The following MAP3K20 variants were observed in gnomAD, a reference collection of about 807,000 sequenced individuals.
MAP3K20 encodes the protein HCCS-4.
Under a neutral mutation model 85.7 loss-of-function variants are expected in MAP3K20, and 40 were observed. The ratio of observed to expected loss-of-function variants is 0.47; its 90% CI spans 0.36 to 0.61. The LOEUF (loss-of-function observed/expected upper bound fraction) is 0.61. Ranked by LOEUF, MAP3K20 falls within the 20% of genes least tolerant of loss-of-function variation. The pLI, the probability that MAP3K20 is intolerant of heterozygous loss-of-function variation, is 0.00. For missense variants in MAP3K20, 817 were observed against 961.7 expected (o/e 0.85, Z 1.99); for synonymous variants, 325 against 327.7 (o/e 0.99, Z 0.09).
chr2:173,266,036 C>A lies in MAP3K20; in HGVS notation c.1703-14C>A, dbSNP rs1321984731. ...GTGTGGCTTAAAAGATGCTCATTTCCATTTCTCCCGCAGGTGCTGATTGCC... is the reference window on the plus strand; with the variant it reads ...GTGTGGCTTAAAAGATGCTCATTTCAATTTCTCCCGCAGGTGCTGATTGCC... On this transcript the variant is annotated splice_polypyrimidine_tract_variant and intron_variant, in intron 19 of 19. Coordinates refer to ENST00000375213, the MANE Select transcript of MAP3K20 (RefSeq NM_016653.3). The A allele has an allele frequency of 6.5e-7, 1 of 1,548,342 alleles. No homozygotes were observed. The highest frequency in any genetic ancestry group is 1.2e-5 in the South Asian group (1 of 84,298).
rs1239814673 is a variant in MAP3K20 at position 173,268,008 on chromosome 2, T to C, written c.*1258T>C. ...TCAAATCAATAAATGTTACTTTCAATATTCTGAGATTCTGTTCAGCATTCA... is the reference window on the plus strand; with the variant it reads ...TCAAATCAATAAATGTTACTTTCAACATTCTGAGATTCTGTTCAGCATTCA... On this transcript the variant is annotated 3_prime_UTR_variant, in exon 20 of 20. Coordinates refer to ENST00000375213, the MANE Select transcript of MAP3K20 (RefSeq NM_016653.3). 1 of 152,252 alleles carries C rather than the reference T, an allele frequency of 6.6e-6. No individual in the cohort carries two copies. Among genetic ancestry groups the C allele is most frequent in the Non-Finnish European group, 1.5e-5 (1 of 68,044 alleles). 9.4% of individuals were successfully genotyped at this position (152,252 alleles called of 1,614,324 possible).
At chr2:173,217,422 T>C (rs1684111725) in intron 11 of MAP3K20, among the ~76,000 whole-genome samples, 172 bp downstream of exon 11, 1 of 152,214 alleles carries the variant, frequency 6.6e-6, no homozygotes, top group Non-Finnish European at 1.5e-5. Context: ...CATACCTAAT[T>C]TCAATTAATA....
intron 2 of MAP3K20, among the ~76,000 whole-genome samples, chr2:173,107,929 G>A (rs180819431): frequency 2.1e-4 from 32 of 152,234 alleles, no homozygotes; most frequent in African/African-American, 7.2e-4. Context: ...CCTGTGGCTT[G>A]TTAGCACTAT....
At chr2:173,199,898 A>C (rs1490708988) in intron 8 of MAP3K20, among the ~76,000 whole-genome samples, 1 of 152,186 alleles carries the variant, frequency 6.6e-6, no homozygotes, top group Non-Finnish European at 1.5e-5. Flanking sequence ...GGAATCACCC[A>C]TGAATAACCT....
chr2:173,107,721 A>G (rs1359837860), intron 2 of MAP3K20, among the ~76,000 whole-genome samples: 1 of 152,164 alleles, frequency 6.6e-6, no homozygotes, highest in Non-Finnish European at 1.5e-5. Flanking sequence ...TGACTGCACC[A>G]AGCCTTAGTT....
rs1004481564 is a variant in MAP3K20, at chr2:173,209,987, C to T, written c.851+152C>T. On this transcript the variant is annotated intron_variant, in intron 10 of 19. Transcript: ENST00000375213. ...AGGTTTTTTTTATGATTTTGGAACT[C>T]TTATAAGTCCTGCATTTCATAAGCA... 3 of 661,896 alleles carry T rather than the reference C, an allele frequency of 4.5e-6. No homozygotes were observed. The African/African-American group carries it at 5.5e-5, about 12-fold the overall frequency. 41.0% of individuals were successfully genotyped at this position (661,896 alleles called of 1,614,324 possible). A position where few individuals can be genotyped will look rare whatever the true frequency, so the allele number is the denominator to read the frequency against.
chr2:173,185,995 G>A (rs1690473230), intron 4 of MAP3K20, among the ~76,000 whole-genome samples: 1 of 152,150 alleles, frequency 6.6e-6, no homozygotes, highest in Non-Finnish European at 1.5e-5. Flanking sequence ...CAGAATTATA[G>A]ATGGATCTAC....
intron 2 of MAP3K20, among the ~76,000 whole-genome samples, chr2:173,111,118 G>C (rs1687962749): frequency 6.6e-6 from 1 of 152,024 alleles, no homozygotes; most frequent in Admixed American, 6.6e-5. Context: ...TTTGATTATG[G>C]CCATTCTTGC....
At chr2:173,187,840 T>A (rs1690534749) in intron 5 of MAP3K20, among the ~76,000 whole-genome samples, 1 of 152,194 alleles carries the variant, frequency 6.6e-6, no homozygotes, top group Non-Finnish European at 1.5e-5. Context: ...GCCCAGAATG[T>A]GGACATTTGA....
chr2:173,075,776 CGT>C (rs1686828751), upstream of MAP3K20: 1 of 985,158 alleles, frequency 1.0e-6, no homozygotes, highest in African/African-American at 1.7e-5. Flanking sequence ...CTCGCCCGCG[CGT>C]GTGAGGGGAG....
chr2:173,155,497 G>A (rs1362581295), intron 2 of MAP3K20, among the ~76,000 whole-genome samples: 2 of 152,168 alleles, frequency 1.3e-5, no homozygotes, highest in African/African-American at 4.8e-5. Context: ...TATTTGTTGG[G>A]TGAATGTTGA....
chr2:173,181,813 T>C (rs1483300072), intron 3 of MAP3K20, among the ~76,000 whole-genome samples: 1 of 151,108 alleles, frequency 6.6e-6, no homozygotes, highest in Non-Finnish European at 1.5e-5. Context: ...TTTGGGAGGC[T>C]GAGACAGGTG....
intron 9 of MAP3K20, among the ~76,000 whole-genome samples, chr2:173,205,105 A>AG (rs1683634056): frequency 2.5e-5 from 3 of 120,528 alleles, no homozygotes. Context: ...TCTGTCTCAA[A>AG]AAAAAAAAAA....
intron 1 of MAP3K20, among the ~76,000 whole-genome samples, chr2:173,084,929 C>T (rs1412089106): frequency 2.6e-5 from 4 of 152,158 alleles, no homozygotes; most frequent in Non-Finnish European, 5.9e-5. Flanking sequence ...GCTCATAGAT[C>T]TCTCTAGTAG....
At chr2:173,256,178 C>A (rs1000377668) in intron 16 of MAP3K20, among the ~76,000 whole-genome samples, 1 of 152,252 alleles carries the variant, frequency 6.6e-6, no homozygotes, top group African/African-American at 2.4e-5. Flanking sequence ...TTGAAGCCGA[C>A]AGGCTTTCAA....
At chr2:173,124,382 G>A (rs987458221) in intron 2 of MAP3K20, among the ~76,000 whole-genome samples, 1 of 152,168 alleles carries the variant, frequency 6.6e-6, no homozygotes, top group African/African-American at 2.4e-5. Flanking sequence ...GTGCATCCAA[G>A]GAAGGAGCAG....
intron 2 of MAP3K20, among the ~76,000 whole-genome samples, chr2:173,096,432 C>T (rs1023165335): frequency 3.9e-5 from 6 of 151,996 alleles, no homozygotes; most frequent in African/African-American, 7.2e-5. Flanking sequence ...CTTTGCCTCC[C>T]GAGTTCAAGC....
chr2:173,244,965 T>C (rs1005210648), intron 16 of MAP3K20, among the ~76,000 whole-genome samples: 3 of 152,148 alleles, frequency 2.0e-5, no homozygotes, highest in African/African-American at 7.2e-5. Flanking sequence ...CTCTCCAACC[T>C]AGGAGTTTGC....
At chr2:173,096,551 G>A (rs1687467359) in intron 2 of MAP3K20, among the ~76,000 whole-genome samples, 1 of 152,080 alleles carries the variant, frequency 6.6e-6, no homozygotes, top group South Asian at 2.1e-4. Flanking sequence ...TGTTAGCCAG[G>A]ATGGTCTCGA....
Sources: gnomAD v4.1 joint callset for allele counts (sites outside exome capture counted in the v4.1 genomes callset) on GRCh38, gnomAD v4.1.1 for gene constraint, MANE v1.5 for transcripts, NCBI Gene and HGNC (gene_info 2026-07-23, HGNC 2026-07-21) for gene names.